SELENOF: variants seen among roughly 807,000 people sequenced by gnomAD.
SELENOF encodes 15 kDa selenoprotein.
In SELENOF, 16 loss-of-function variants were observed where a neutral mutation model predicts 20.5. That is an observed-to-expected ratio of 0.78 (90% CI 0.53 to 1.19). SELENOF has a LOEUF of 1.19. SELENOF is among the 50% of genes most tolerant of loss of function. SELENOF has a pLI of 0.00. For missense variants in SELENOF, 215 were observed against 194.2 expected, an observed-to-expected ratio of 1.11 and a Z score of -0.64; for synonymous variants, 78 against 74.5, an observed-to-expected ratio of 1.05 and a Z score of -0.24.
intron 1 of SELENOF, among the ~76,000 whole-genome samples, chr1:86,907,910 C>T (rs375528059): frequency 1.1e-4 from 17 of 150,658 alleles, no homozygotes; most frequent in South Asian, 4.3e-4. Flanking sequence ...CGCTTGAACC[C>T]GGGAGGCGGA....
At chr1:86,911,129 C>A (rs906994386) in intron 1 of SELENOF, among the ~76,000 whole-genome samples, 6 of 152,158 alleles carry the variant, frequency 3.9e-5, no homozygotes, top group Non-Finnish European at 8.8e-5. Context: ...AACTATGGAA[C>A]GTATCTCAGA....
intron 2 of SELENOF, among the ~76,000 whole-genome samples, chr1:86,891,665 T>G (rs1286310363): frequency 1.3e-5 from 2 of 152,180 alleles, no homozygotes; most frequent in Non-Finnish European, 2.9e-5. Context: ...AAATAATATT[T>G]TGGGTTCAAT....
chr1:86,873,713 GTGGTGGTGCA>G, intron 3 of SELENOF, among the ~76,000 whole-genome samples: 1 of 151,374 alleles, frequency 6.6e-6, no homozygotes, highest in East Asian at 2.0e-4. Flanking sequence ...TTAGCTGGGC[GTGGTGGTGCA>G]TGCCTGTAAT....
chr1:86,870,128 T>C (rs1050783274), intron 3 of SELENOF, among the ~76,000 whole-genome samples: 3 of 152,240 alleles, frequency 2.0e-5, no homozygotes, highest in African/African-American at 7.2e-5. Flanking sequence ...ATACCAGTTA[T>C]TGATCATTTG....
chr1:86,899,552 C>A (rs1235337018), intron 2 of SELENOF, among the ~76,000 whole-genome samples: 2 of 148,850 alleles, frequency 1.3e-5, no homozygotes, highest in African/African-American at 2.5e-5. Flanking sequence ...GCTGACCCCC[C>A]ACCTCCCTCC....
intron 3 of SELENOF, among the ~76,000 whole-genome samples, chr1:86,873,648 C>G (rs1416007377): frequency 6.6e-6 from 1 of 151,824 alleles, no homozygotes; most frequent in Non-Finnish European, 1.5e-5. Context: ...GTCGAGAGTT[C>G]GAGACCAGCC....
rs1382340517 is a variant in SELENOF, at chr1:86,866,228, C to CTGTGTGTG, written c.366+1824_366+1825insCACACACA. Among the ~76,000 whole-genome samples, 131 of 52,384 alleles carry CTGTGTGTG rather than the reference C, an allele frequency of 2.5e-3. 1 individual carries two copies. Among genetic ancestry groups the CTGTGTGTG allele is most frequent in the Middle Eastern group, 0.031 (2 of 64 alleles). 34.4% of individuals were successfully genotyped at this position (52,384 alleles called of 152,430 possible). On this transcript the variant is annotated intron_variant, in intron 4 of 4. Coordinates refer to ENST00000331835, the MANE Select transcript of SELENOF (RefSeq NM_004261.5). ...AAAAAAAAAAAAAAAAAGTGTGTGTCTCTGTGTGTGTGTGTGTGTGTGTGT... is the reference window on the plus strand; with the variant it reads ...AAAAAAAAAAAAAAAAAGTGTGTGTCTGTGTGTGTCTGTGTGTGTGTGTGTGTGTGTGT...
chr1:86,893,201 A>C (rs1321010105), intron 2 of SELENOF, among the ~76,000 whole-genome samples: 1 of 152,248 alleles, frequency 6.6e-6, no homozygotes, highest in Non-Finnish European at 1.5e-5. Flanking sequence ...CTTAGCGTAT[A>C]ACCAGTGTAA....
intron 2 of SELENOF, among the ~76,000 whole-genome samples, chr1:86,892,352 C>T (rs1179476295): frequency 1.3e-5 from 2 of 152,126 alleles, no homozygotes; most frequent in South Asian, 2.1e-4. Context: ...GTGAATAATG[C>T]TTTTATATTA....
intron 4 of SELENOF, 132 bp from the exon 5 acceptor site, chr1:86,863,737 A>C: frequency 1.4e-6 from 1 of 727,160 alleles, no homozygotes; most frequent in South Asian, 2.4e-5. Context: ...ACAATAAACA[A>C]GTCTTAAAGG....
chr1:86,883,968 A>G (rs1659144151), intron 2 of SELENOF, among the ~76,000 whole-genome samples: 1 of 152,210 alleles, frequency 6.6e-6, no homozygotes, highest in Non-Finnish European at 1.5e-5. Context: ...CTTTTTCAAA[A>G]AAACTTTTGT....
intron 2 of SELENOF, among the ~76,000 whole-genome samples, chr1:86,886,427 A>C (rs901630721): frequency 4.8e-5 from 7 of 146,946 alleles, no homozygotes; most frequent in Admixed American, 1.3e-4. Context: ...GACAAATGTT[A>C]CAGTACTTTT....
At chr1:86,901,801 G>T (rs1201013728) in intron 2 of SELENOF, among the ~76,000 whole-genome samples, 1 of 152,122 alleles carries the variant, frequency 6.6e-6, no homozygotes, top group Non-Finnish European at 1.5e-5. Context: ...ACTAAGAAAA[G>T]GCAGTAAGTA....
chr1:86,911,324 G>C (rs499587), intron 1 of SELENOF, among the ~76,000 whole-genome samples: 37,467 of 152,096 alleles, frequency 0.25, 5,454 homozygotes, highest in African/African-American at 0.4. Flanking sequence ...GAAGCGGCTT[G>C]TAGGTAATGA....
At chr1:86,863,719 T>C in intron 4 of SELENOF, 114 bp from the exon 5 acceptor site, 1 of 870,040 alleles carries the variant, frequency 1.1e-6, no homozygotes, top group Non-Finnish European at 1.7e-6. Flanking sequence ...AAAAGGCTTT[T>C]AGACATGACA....
At chr1:86,885,205 CA>C (rs977217651) in intron 2 of SELENOF, among the ~76,000 whole-genome samples, 3 of 152,016 alleles carry the variant, frequency 2.0e-5, no homozygotes, top group Non-Finnish European at 4.4e-5. Flanking sequence ...ATCTGAAATC[CA>C]AAACACTTCT....
At chr1:86,904,014 T>C (rs1659768760) in intron 1 of SELENOF, among the ~76,000 whole-genome samples, 1 of 152,242 alleles carries the variant, frequency 6.6e-6, no homozygotes. Flanking sequence ...AGGCATATCA[T>C]TGTTCATGAT....
chr1:86,878,201 A>C (rs1000037087), intron 3 of SELENOF, among the ~76,000 whole-genome samples: 1 of 152,228 alleles, frequency 6.6e-6, no homozygotes. Context: ...TGAGTGGTTT[A>C]ATATAGGTAA....
intron 3 of SELENOF, among the ~76,000 whole-genome samples, chr1:86,879,966 G>A (rs1311976207): frequency 6.6e-6 from 1 of 152,074 alleles, no homozygotes; most frequent in African/African-American, 2.4e-5. Flanking sequence ...TACTCTTAAT[G>A]CAATTGTTCC....
Sources: allele counts gnomAD v4.1 joint callset (sites outside exome capture counted in the v4.1 genomes callset), GRCh38; gene constraint gnomAD v4.1.1; transcripts MANE v1.5; gene names NCBI Gene and HGNC (gene_info 2026-07-23, HGNC 2026-07-21).